Variants in OPCML observed in about 807,000 individuals in gnomAD.
OPCML encodes the protein opioid binding protein/cell adhesion molecule like, also known as opioid-binding protein/cell adhesion molecule.
OPCML carries 13 observed loss-of-function variants against 37.8 expected under a neutral mutation model. The observed-to-expected ratio is 0.34, with a 90% CI of 0.22 to 0.55. The LOEUF is 0.55. OPCML is among the 20% of genes least tolerant of loss of function. The probability of loss-of-function intolerance (pLI) is 0.91; values close to 1 mark genes in which losing one functional copy is unlikely to be tolerated. For missense variants in OPCML, 341 were observed against 435.6 expected (o/e 0.78, Z 1.93); for synonymous variants, 176 against 168.8 (o/e 1.04, Z -0.33).
intron 1 of OPCML, among the ~76,000 whole-genome samples, chr11:133,194,990 C>T (rs567604903): frequency 2.8e-4 from 42 of 152,332 alleles, no homozygotes; most frequent in Non-Finnish European, 5.3e-4. Context: ...TTCCTTTCTA[C>T]TCCAGTAGAA....
chr11:133,226,338 T>G (rs1940034045), intron 1 of OPCML, among the ~76,000 whole-genome samples: 1 of 152,228 alleles, frequency 6.6e-6, no homozygotes, highest in African/African-American at 2.4e-5. Context: ...TGATTCGTAT[T>G]TATGGTTTTG....
intron 1 of OPCML, among the ~76,000 whole-genome samples, chr11:133,455,851 G>A (rs534931540): frequency 6.6e-6 from 1 of 152,270 alleles, no homozygotes; most frequent in South Asian, 2.1e-4. Flanking sequence ...ACAGTCAAAC[G>A]GTGGGAAATT....
intron 1 of OPCML, among the ~76,000 whole-genome samples, chr11:133,112,302 AAAAAAAAAGGG>A (rs1949267489): frequency 1.4e-5 from 2 of 144,198 alleles, no homozygotes; most frequent in African/African-American, 5.4e-5. Context: ...AAAAAAAAAA[AAAAAAAAAGGG>A]GAAAGAAACA....
intron 2 of OPCML, among the ~76,000 whole-genome samples, chr11:132,774,310 T>G (rs1444187124): frequency 6.6e-6 from 1 of 152,230 alleles, no homozygotes; most frequent in African/African-American, 2.4e-5. Context: ...CTCTATTAAT[T>G]TATTGCTAAT....
intron 4 of OPCML, among the ~76,000 whole-genome samples, chr11:132,516,000 C>T (rs2096278859): frequency 6.6e-6 from 1 of 152,058 alleles, no homozygotes; most frequent in African/African-American, 2.4e-5. Context: ...TAAGTCATCC[C>T]AACTCTTGTT....
intron 1 of OPCML, among the ~76,000 whole-genome samples, chr11:132,979,507 G>C (rs1185081488): frequency 3.3e-5 from 5 of 152,200 alleles, no homozygotes; most frequent in Admixed American, 6.5e-5. Context: ...CCTCTGCCGA[G>C]AGGTTTTTGC....
intron 2 of OPCML, among the ~76,000 whole-genome samples, chr11:132,663,750 C>T (rs1372709099): frequency 1.3e-5 from 2 of 152,236 alleles, no homozygotes; most frequent in African/African-American, 4.8e-5. Context: ...GAGCGTGGAA[C>T]CCAGAAGGGC....
At chr11:133,118,522 C>A in intron 1 of OPCML, 1 of 634,546 alleles carries the variant, frequency 1.6e-6, no homozygotes, top group Non-Finnish European at 2.0e-6. Context: ...TGCTCAGTAG[C>A]AAGACTCATG....
intron 3 of OPCML, among the ~76,000 whole-genome samples, chr11:132,606,866 C>T (rs1322164757): frequency 6.6e-6 from 1 of 152,194 alleles, no homozygotes; most frequent in Non-Finnish European, 1.5e-5. Flanking sequence ...CCACCCACCG[C>T]TCACCCCAGT....
rs545240629 is a variant in OPCML at position 133,026,352 on chromosome 11, G to T, written c.62-83342C>A. On this transcript the variant is annotated intron_variant, in intron 1 of 7. Transcript: ENST00000524381. ...TAGTTTTCCTGAGACTTATCCACGC[G>T]TAATACCCTGAAGGGTGGTGGTCTG... is the stretch of plus-strand genomic sequence containing the variant. The T allele has an allele frequency of 1.2e-5, 12 of 972,716 alleles. No individual in the cohort carries two copies. In the South Asian group the frequency reaches 5.7e-4, roughly 46 times the overall value. 60.3% of individuals were successfully genotyped at this position (972,716 alleles called of 1,614,324 possible). A position where few individuals can be genotyped will look rare whatever the true frequency, so the allele number is the denominator to read the frequency against.
chr11:133,277,909 T>C (rs1225303005), intron 1 of OPCML, among the ~76,000 whole-genome samples: 1 of 152,152 alleles, frequency 6.6e-6, no homozygotes, highest in African/African-American at 2.4e-5. Context: ...ACGGAGTAAC[T>C]AGTTGCCCAA....
At chr11:132,771,897 G>A (rs1946649028) in intron 2 of OPCML, 1 of 152,284 alleles carries the variant, frequency 6.6e-6, no homozygotes, top group South Asian at 2.1e-4. Context: ...AGGAGCTAAC[G>A]CGGCCTCTTC....
intron 3 of OPCML, among the ~76,000 whole-genome samples, chr11:132,617,295 C>A (rs1175346677): frequency 6.6e-6 from 1 of 152,142 alleles, no homozygotes; most frequent in Admixed American, 6.5e-5. Context: ...CATATATTCA[C>A]AAAACAATTC....
chr11:132,567,206 C>G (rs1029996273), intron 3 of OPCML, among the ~76,000 whole-genome samples: 1 of 152,124 alleles, frequency 6.6e-6, no homozygotes, highest in African/African-American at 2.4e-5. Context: ...TGGGAAAAAG[C>G]TTTTATCGCT....
chr11:132,693,359 C>T (rs928656353), intron 2 of OPCML, among the ~76,000 whole-genome samples: 4 of 152,152 alleles, frequency 2.6e-5, no homozygotes, highest in African/African-American at 7.2e-5. Context: ...TGAATGCCTA[C>T]CTTAGCCTGA....
intron 1 of OPCML, among the ~76,000 whole-genome samples, chr11:132,999,564 GGGGTC>G (rs796849226): frequency 4.2e-5 from 6 of 141,996 alleles, no homozygotes; most frequent in African/African-American, 1.3e-4. Flanking sequence ...AGTGACAAAT[GGGGTC>G]GGGGGGGGAA....
chr11:132,424,997 T>TG (rs1324705523), intron 7 of OPCML, among the ~76,000 whole-genome samples: 11 of 152,124 alleles, frequency 7.2e-5, no homozygotes, highest in Non-Finnish European at 4.4e-5. Flanking sequence ...TGTGGGGCAT[T>TG]GAGCAGGGCA....
chr11:132,489,048 C>T (rs2096208226), intron 4 of OPCML, among the ~76,000 whole-genome samples: 1 of 152,184 alleles, frequency 6.6e-6, no homozygotes, highest in South Asian at 2.1e-4. Context: ...ATATTTAGCT[C>T]AAAACACAAA....
intron 1 of OPCML, among the ~76,000 whole-genome samples, chr11:133,049,535 T>C (rs1591950823): frequency 1.3e-5 from 2 of 152,334 alleles, no homozygotes; most frequent in South Asian, 4.1e-4. Context: ...TCTATTTGAA[T>C]GTTAAAAAAT....
Sources: allele counts gnomAD v4.1 joint callset (sites outside exome capture counted in the v4.1 genomes callset), GRCh38; gene constraint gnomAD v4.1.1; transcripts MANE v1.5; gene names NCBI Gene and HGNC (gene_info 2026-07-23, HGNC 2026-07-21).